The following NOL3 variants were observed in gnomAD, a reference collection of about 807,000 sequenced individuals.
NOL3 encodes muscle-enriched cytoplasmic protein.
Under a neutral mutation model 19.2 loss-of-function variants are expected in NOL3, and 18 were observed. That is an observed-to-expected ratio of 0.94 (90% CI 0.65 to 1.39). NOL3 has a LOEUF of 1.39. NOL3 is among the 40% of genes most tolerant of loss of function. The probability of loss-of-function intolerance (pLI) is 0.00; values close to 1 mark genes in which losing one functional copy is unlikely to be tolerated. For missense variants in NOL3, 290 were observed against 289.5 expected, an observed-to-expected ratio of 1.00 and a Z score of -0.01; for synonymous variants, 127 against 137.3, an observed-to-expected ratio of 0.93 and a Z score of 0.52.
rs766275447 is a variant in NOL3 at position 67,174,740 on chromosome 16, CCT to C, written c.416_417del (p.Pro139ArgfsTer21). ...TTCAGACCCTGACGAGGCCGGGGGCCCTGAGGGCTCCGAGGCGGTGCAATCCG... is the reference window on the plus strand; with the variant it reads ...TTCAGACCCTGACGAGGCCGGGGGCCGAGGGCTCCGAGGCGGTGCAATCCG... On this transcript the variant is annotated frameshift_variant, in exon 3 of 4. Coordinates refer to ENST00000268605, the Ensembl canonical transcript of NOL3. LOFTEE classifies it high-confidence loss of function. The C allele has an allele frequency of 1.2e-6, 2 of 1,610,200 alleles. No homozygotes were observed. Among genetic ancestry groups the C allele is most frequent in the Non-Finnish European group, 1.7e-6 (2 of 1,178,574 alleles).
chr16:67,175,381 G>C, exon 4 of NOL3: 1 of 1,239,328 alleles, frequency 8.1e-7, no homozygotes, highest in South Asian at 2.8e-5. Context: ...ACAAGGACCT[G>C]ACCCTCCTGC....
At chr16:67,175,291 A>G in exon 4 of NOL3, 1 of 1,425,038 alleles carries the variant, frequency 7.0e-7, no homozygotes, top group Non-Finnish European at 9.1e-7. Context: ...CACCACGAGC[A>G]TCATCCAGTC....
intron 1 of NOL3, chr16:67,171,724 G>C (rs1023328921): frequency 2.0e-5 from 3 of 152,254 alleles, no homozygotes; most frequent in Admixed American, 2.0e-4. Flanking sequence ...CTGTAAAATG[G>C]GAACAGCAAT....
Position 67,170,916 on chromosome 16 carries a change from C to T in NOL3, c.-9+342C>T, listed in dbSNP as rs555949130. ...CAGCTCCGTGCCCCGCCACCTGGCTCTCTGGGAAGAATCGGACCTGTCACC... is the reference window on the plus strand; with the variant it reads ...CAGCTCCGTGCCCCGCCACCTGGCTTTCTGGGAAGAATCGGACCTGTCACC... On this transcript the variant is annotated intron_variant, in intron 1 of 3. Coordinates refer to ENST00000268605, the Ensembl canonical transcript of NOL3. This position sits in a 1 kb window ranked among gnomAD's most constrained non-coding sequence, Gnocchi z 5.7. Among the ~76,000 whole-genome samples the T allele has an allele frequency of 1.8e-4, 27 of 152,360 alleles. 1 individual carries two copies. Among genetic ancestry groups the T allele is most frequent in the Admixed American group, 1.6e-3 (25 of 15,310 alleles).
exon 4 of NOL3, chr16:67,175,401 C>T: frequency 8.7e-7 from 1 of 1,153,716 alleles, no homozygotes; most frequent in Non-Finnish European, 1.1e-6. Flanking sequence ...CCCGCATACA[C>T]AACCCATTTC....
chr16:67,170,782 G>GC lies in NOL3; in HGVS notation c.-9+208_-9+209insC, dbSNP rs1271211132. On this transcript the variant is annotated intron_variant, in intron 1 of 3. Transcript: ENST00000268605. This position sits in a 1 kb window ranked among gnomAD's most constrained non-coding sequence, Gnocchi z 5.7. ...TGGGTGGAGGGAGGTAAGGGGCGGG[G>GC]GGGGAAAATCCGTGCAGTCGCACAT... 6.6e-6 allele frequency among the ~76,000 whole-genome samples: 1 copy of GC among 150,430 alleles called. No individual in the cohort carries two copies. The highest frequency in any genetic ancestry group is 2.5e-5 in the African/African-American group (1 of 39,796).
chr16:67,175,311 A>G lies in NOL3; in HGVS notation c.*257A>G, dbSNP rs965648679. On this transcript the variant is annotated 3_prime_UTR_variant, in exon 4 of 4. Coordinates refer to ENST00000268605, the Ensembl canonical transcript of NOL3. ...CGAGCATCATCCAGTCCTCAGCCCT[A>G]ATCTGCCCTTAGGAGTCCAGGCTGC... 4.3e-6 allele frequency: 6 copies of G among 1,403,554 alleles called. No homozygotes were observed. In the Admixed American group the frequency reaches 9.5e-5, roughly 22 times the overall value. The allele number at this position is 1,403,554 out of a possible 1,614,324, so 86.9% of individuals were successfully genotyped here.
Position 67,170,850 on chromosome 16 carries a change from C to G in NOL3, c.-9+276C>G, listed in dbSNP as rs2031706649. Among the ~76,000 whole-genome samples the G allele has an allele frequency of 6.6e-6, 1 of 152,196 alleles. No homozygotes were observed. Among genetic ancestry groups the G allele is most frequent in the Non-Finnish European group, 1.5e-5 (1 of 68,014 alleles). On this transcript the variant is annotated intron_variant, in intron 1 of 3. Coordinates refer to ENST00000268605, the Ensembl canonical transcript of NOL3. This position sits in a 1 kb window ranked among gnomAD's most constrained non-coding sequence, Gnocchi z 5.7. ...TGTCCCAAGACCCTGGCTTCCTGGC[C>G]AAAGAGCCCGCGCAGCGAGGTGGGG...
At chr16:67,172,839 A>G (rs1004968620) in intron 1 of NOL3, 3 of 151,438 alleles carry the variant, frequency 2.0e-5, no homozygotes, top group African/African-American at 7.3e-5. Flanking sequence ...CACGCCTGTA[A>G]TCCCAGCACT....
Position 67,173,907 on chromosome 16 carries a change from C to A in NOL3, c.-8-255C>A, listed in dbSNP as rs1402222718. On this transcript the variant is annotated intron_variant, in intron 1 of 3. Coordinates refer to ENST00000268605, the Ensembl canonical transcript of NOL3. Reference sequence around the variant, plus strand: ...GAAAGGCAGGGGAGGAGAGGAGAGCCACGGCTGACGCTTGGGGACAGAAGG... The same window carrying A: ...GAAAGGCAGGGGAGGAGAGGAGAGCAACGGCTGACGCTTGGGGACAGAAGG... 4.2e-5 allele frequency: 65 copies of A among 1,535,792 alleles called. No individual in the cohort carries two copies. In the East Asian group the frequency reaches 1.6e-3, roughly 38 times the overall value.
At chr16:67,174,496 C>A (rs1170523132) in intron 2 of NOL3, 32 bp downstream of exon 2, 1 of 1,470,876 alleles carries the variant, frequency 6.8e-7, no homozygotes, top group African/African-American at 1.4e-5. Flanking sequence ...TAGGGCAGAG[C>A]AGGGACGGGG....
At chr16:67,174,116 CG>C in intron 1 of NOL3, 45 bp from the exon 2 acceptor site, 2 of 1,600,334 alleles carry the variant, frequency 1.2e-6, no homozygotes, top group African/African-American at 2.7e-5. Context: ...GCGAGGGCAG[CG>C]GGGAGGGCAA....
intron 3 of NOL3, 51 bp downstream of exon 3, chr16:67,174,995 G>A (rs2032081901): frequency 6.2e-7 from 1 of 1,610,832 alleles, no homozygotes; most frequent in Non-Finnish European, 8.5e-7. Context: ...GCATGGCCTG[G>A]GAAGCGGATG....
intron 1 of NOL3, among the ~76,000 whole-genome samples, chr16:67,172,234 G>T (rs2031807006): frequency 6.6e-6 from 1 of 152,134 alleles, no homozygotes; most frequent in Non-Finnish European, 1.5e-5. Context: ...TTCAAGGCCT[G>T]ATGTCTTTGC....
At chr16:67,174,165 C>T (rs1160010376) in exon 2 of NOL3, 1 of 1,607,554 alleles carries the variant, frequency 6.2e-7, no homozygotes, top group African/African-American at 1.3e-5. Context: ...CATGCAGCCC[C>T]GACAATGGGC....
chr16:67,174,941 G>A, exon 3 of NOL3: 1 of 1,611,780 alleles, frequency 6.2e-7, no homozygotes. Context: ...GGACGAGTCC[G>A]AAGGTGTGAG....
rs2031700302 is a variant in NOL3 at position 67,170,790 on chromosome 16, A to T, written c.-9+216A>T. On this transcript the variant is annotated intron_variant, in intron 1 of 3. Coordinates refer to ENST00000268605, the Ensembl canonical transcript of NOL3. This position sits in a 1 kb window ranked among gnomAD's most constrained non-coding sequence, Gnocchi z 5.7. ...GGGAGGTAAGGGGCGGGGGGGGAAA[A>T]TCCGTGCAGTCGCACATGCGCAAAG... 6.6e-6 allele frequency among the ~76,000 whole-genome samples: 1 copy of T among 151,826 alleles called. No individual in the cohort carries two copies. Among genetic ancestry groups the T allele is most frequent in the South Asian group, 2.1e-4 (1 of 4,822 alleles).
intron 1 of NOL3, chr16:67,172,848 C>T (rs929578904): frequency 2.0e-5 from 3 of 151,522 alleles, no homozygotes; most frequent in Non-Finnish European, 4.4e-5. Flanking sequence ...AATCCCAGCA[C>T]TTTGGGAGGC....
At position 67,174,939 on chromosome 16, in the gene NOL3, C is replaced by T. The variant is rs746917735; in HGVS notation, c.614C>T (p.Ser205Phe). 1.9e-6 allele frequency: 3 copies of T among 1,611,828 alleles called. No homozygotes were observed. In the South Asian group the frequency reaches 3.3e-5, roughly 18 times the overall value. ...CCCGACTTCGAGGAAAGGGACGAGT[C>T]CGAAGGTGTGAGTCCGCCCAAACCC... Residue 205 changes from serine (S) to phenylalanine (F), a missense_variant, in exon 3 of 4, where the codon TCC becomes TTC. This residue lies in a region of NOL3 where 123 missense variants were observed against 107.0 expected (regional missense o/e 1.15). Coordinates refer to ENST00000268605, the Ensembl canonical transcript of NOL3.
Sources: gnomAD v4.1 joint callset for allele counts (sites outside exome capture counted in the v4.1 genomes callset) on GRCh38, gnomAD v4.1.1 for gene constraint, gnomAD v4.1.1 regional missense constraint, Gnocchi (gnomAD v3.1) non-coding constraint, MANE v1.5 for transcripts, NCBI Gene and HGNC (gene_info 2026-07-23, HGNC 2026-07-21) for gene names.